CRTC1: variants seen among roughly 807,000 people sequenced by gnomAD.
CRTC1 encodes CREB regulated transcription coactivator 1, also known as CREB-regulated transcription coactivator 1.
Under a neutral mutation model 66.1 loss-of-function variants are expected in CRTC1, and 18 were observed. That is an observed-to-expected ratio of 0.27 (90% CI 0.19 to 0.40). CRTC1 has a LOEUF of 0.40. Among genes scored for constraint, CRTC1 ranks in the 10% least tolerant of loss-of-function variants. The pLI is 1.00. For synonymous variants in CRTC1, 416 were observed against 398.8 expected (o/e 1.04, Z -0.51); for missense variants, 669 against 887.9 (o/e 0.75, Z 3.13).
chr19:18,732,905 C>T (rs2053921459), intron 1 of CRTC1, among the ~76,000 whole-genome samples: 1 of 151,750 alleles, frequency 6.6e-6, no homozygotes, highest in Non-Finnish European at 1.5e-5. Flanking sequence ...GCCTGGGCAA[C>T]ATAGGAAGAC....
chr19:18,702,074 C>T (rs1375449442), intron 1 of CRTC1, among the ~76,000 whole-genome samples: 1 of 151,886 alleles, frequency 6.6e-6, no homozygotes, highest in Non-Finnish European at 1.5e-5. Flanking sequence ...TAGGCGTGTA[C>T]CACCACACCC....
intron 5 of CRTC1, among the ~76,000 whole-genome samples, chr19:18,752,745 A>G (rs896860355): frequency 2.6e-5 from 4 of 151,374 alleles, no homozygotes; most frequent in Non-Finnish European, 5.9e-5. Context: ...GGTTCAAGCA[A>G]TTCTGCCTCA....
At chr19:18,733,331 G>A (rs368486759) in intron 1 of CRTC1, among the ~76,000 whole-genome samples, 5 of 152,190 alleles carry the variant, frequency 3.3e-5, no homozygotes, top group East Asian at 1.9e-4. Flanking sequence ...AGCTGTGTGC[G>A]CTCAGCCCCC....
intron 1 of CRTC1, among the ~76,000 whole-genome samples, chr19:18,691,104 A>G (rs1600746186): frequency 6.7e-6 from 1 of 149,690 alleles, no homozygotes; most frequent in Non-Finnish European, 1.5e-5. Flanking sequence ...TCAGAGGCCG[A>G]GGCAGGAGGA....
intron 1 of CRTC1, among the ~76,000 whole-genome samples, chr19:18,739,377 G>C (rs76410067): frequency 0.22 from 32,854 of 152,186 alleles, 3,693 homozygotes; most frequent in East Asian, 0.29. Context: ...AGCTGAGGAA[G>C]GGGGTGGCCA....
chr19:18,741,077 A>G lies in CRTC1; in HGVS notation c.127-1833A>G, dbSNP rs913685811. Among the ~76,000 whole-genome samples, 1 of 152,208 alleles carries G rather than the reference A, an allele frequency of 6.6e-6. No individual in the cohort carries two copies. Among genetic ancestry groups the G allele is most frequent in the Admixed American group, 6.5e-5 (1 of 15,274 alleles). On this transcript the variant is annotated intron_variant, in intron 1 of 13. Coordinates refer to ENST00000321949, the MANE Select transcript of CRTC1 (RefSeq NM_015321.3). This position sits in a 1 kb window ranked among gnomAD's most constrained non-coding sequence, Gnocchi z 4.2. The stretch of plus-strand genomic sequence containing the variant: ...CCCACTCAGTGTCCACTCCTGGCCC[A>G]GGGGCTGTGCTCCGAAGCCTGAGTG...
At position 18,771,417 on chromosome 19, in the gene CRTC1, C is replaced by T. The variant is rs1042318830; in HGVS notation, c.1321-25C>T. The T allele has an allele frequency of 1.8e-5, 29 of 1,591,564 alleles. No individual in the cohort carries two copies. Among genetic ancestry groups the T allele is most frequent in the East Asian group, 1.2e-4 (5 of 43,238 alleles). On this transcript the variant is annotated intron_variant, in intron 10 of 13. Transcript: ENST00000321949. The surrounding 1 kb of genome is among the most constrained non-coding windows in gnomAD (Gnocchi z 4.6). The stretch of plus-strand genomic sequence containing the variant: ...CCGGGCTTGGGCAGCTGGGCTGCGG[C>T]GTGCTGATCTGTCTGTCATCGCAGG...
rs191054916 is a variant in CRTC1 at position 18,761,994 on chromosome 19, C to T, written c.886+1766C>T. On this transcript the variant is annotated intron_variant, in intron 8 of 13. Transcript: ENST00000321949. ...GAAAACACAGCCGATTCGGAGGAGC[C>T]CTCTTCATTGTCTCCAGATAGACAG... is the stretch of plus-strand genomic sequence containing the variant. Among the ~76,000 whole-genome samples the T allele has an allele frequency of 1.4e-4, 21 of 152,280 alleles. No individual in the cohort carries two copies. The East Asian group carries it at 3.9e-3, about 28-fold the overall frequency.
chr19:18,765,342 A>C, intron 8 of CRTC1, 62 bp from the exon 9 acceptor site: 6 of 1,560,130 alleles, frequency 3.8e-6, no homozygotes, highest in Non-Finnish European at 5.2e-6. Flanking sequence ...TGGGTGTGTA[A>C]GCAGCCCTTT....
intron 1 of CRTC1, among the ~76,000 whole-genome samples, chr19:18,734,833 A>G (rs1236161509): frequency 6.6e-6 from 1 of 152,174 alleles, no homozygotes; most frequent in African/African-American, 2.4e-5. Context: ...GCTACACAGC[A>G]GGTGATCCCC....
chr19:18,731,178 AT>A (rs1360598846), intron 1 of CRTC1, among the ~76,000 whole-genome samples: 1 of 152,208 alleles, frequency 6.6e-6, no homozygotes, highest in Non-Finnish European at 1.5e-5. Context: ...GCAAAGCACC[AT>A]GAATCAGGTG....
chr19:18,747,169 C>T, intron 4 of CRTC1, 55 bp downstream of exon 4: 1 of 1,253,734 alleles, frequency 8.0e-7, no homozygotes, highest in Non-Finnish European at 1.1e-6. Flanking sequence ...CAAAACCAAA[C>T]TCTCATCATG....
chr19:18,689,775 C>T (rs959723811), intron 1 of CRTC1, among the ~76,000 whole-genome samples: 51 of 151,028 alleles, frequency 3.4e-4, no homozygotes, highest in African/African-American at 1.0e-3. Context: ...CTTTGGCTGT[C>T]GTGAATCATG....
Position 18,771,579 on chromosome 19 carries a change from G to T in CRTC1, c.1425+33G>T. ...GCGCCGCCTCCCCCTTGGCCTGTGGGCTCCACGCTTGTCTTGTTCATGCCC... is the reference window on the plus strand; with the variant it reads ...GCGCCGCCTCCCCCTTGGCCTGTGGTCTCCACGCTTGTCTTGTTCATGCCC... On this transcript the variant is annotated intron_variant, in intron 11 of 13. Transcript: ENST00000321949. The surrounding 1 kb of genome is among the most constrained non-coding windows in gnomAD (Gnocchi z 4.6). The T allele has an allele frequency of 6.5e-7, 1 of 1,534,274 alleles. No homozygotes were observed. The highest frequency in any genetic ancestry group is 9.0e-7 in the Non-Finnish European group (1 of 1,115,234).
chr19:18,770,043 G>A (rs1318665305), intron 10 of CRTC1, among the ~76,000 whole-genome samples: 6 of 50,944 alleles, frequency 1.2e-4, no homozygotes, highest in African/African-American at 4.7e-4. Flanking sequence ...CTGGACTCAA[G>A]CCCTACCCCA....
intron 1 of CRTC1, among the ~76,000 whole-genome samples, chr19:18,698,230 TACTCAGCAGGC>T (rs1306627824): frequency 2.7e-5 from 4 of 148,048 alleles, no homozygotes; most frequent in African/African-American, 7.6e-5. Flanking sequence ...GCACAGTGTG[TACTCAGCAGGC>T]ACTCAGCAGG....
In CRTC1 at chr19:18,764,097, G is replaced by A. The variant is rs995573702; in HGVS notation, c.887-1307G>A. Among the ~76,000 whole-genome samples, 18 of 152,182 alleles carry A rather than the reference G, an allele frequency of 1.2e-4. 1 individual carries two copies. Among genetic ancestry groups the A allele is most frequent in the Admixed American group, 1.0e-3 (16 of 15,286 alleles). On this transcript the variant is annotated intron_variant, in intron 8 of 13. Coordinates refer to ENST00000321949, the MANE Select transcript of CRTC1 (RefSeq NM_015321.3). ...AGGGCATCCGAGGGGAAGTGCAGGC[G>A]TGACCGAGCTCGCCCCGGTGAGCAG...
rs1034609467 is a variant in CRTC1 at position 18,778,040 on chromosome 19, C to T, written c.*658C>T. On this transcript the variant is annotated 3_prime_UTR_variant, in exon 14 of 14. Coordinates refer to ENST00000321949, the MANE Select transcript of CRTC1 (RefSeq NM_015321.3). ...ACAGAGCATGCAGGGCGGCGGACCC[C>T]CCCACGACCCTCCTCGCCCTGTCTC... The T allele has an allele frequency of 4.3e-6, 1 of 234,090 alleles. No homozygotes were observed. The highest frequency in any genetic ancestry group is 8.4e-6 in the Non-Finnish European group (1 of 118,684). 14.5% of individuals were successfully genotyped at this position (234,090 alleles called of 1,614,324 possible).
At chr19:18,708,540 G>A (rs1012738647) in intron 1 of CRTC1, among the ~76,000 whole-genome samples, 1 of 152,190 alleles carries the variant, frequency 6.6e-6, no homozygotes, top group Non-Finnish European at 1.5e-5. Flanking sequence ...TGACGAGCCT[G>A]GTGAGGGGCT....
Sources: allele counts gnomAD v4.1 joint callset (sites outside exome capture counted in the v4.1 genomes callset), GRCh38; gene constraint gnomAD v4.1.1; non-coding constraint Gnocchi (gnomAD v3.1); transcripts MANE v1.5; gene names NCBI Gene and HGNC (gene_info 2026-07-23, HGNC 2026-07-21).